Variants in TRANK1 observed in about 807,000 individuals in gnomAD.
TRANK1 encodes TPR and ankyrin repeat-containing protein 1.
TRANK1 carries 198 observed loss-of-function variants against 266.0 expected under a neutral mutation model. That is an observed-to-expected ratio of 0.74 (90% confidence interval 0.66 to 0.84). The LOEUF (loss-of-function observed/expected upper bound fraction) is 0.84, where lower values mean the gene tolerates loss of function less well. Ranked by LOEUF, TRANK1 falls within the 40% of genes least tolerant of loss-of-function variation. TRANK1 has a pLI of 0.00. For synonymous variants in TRANK1, 1,396 were observed against 1,384.1 expected (o/e 1.01, Z -0.19); for missense variants, 3,326 against 3,634.6 (o/e 0.92, Z 2.18).
At chr3:36,853,765 A>T (rs1157769308) in intron 13 of TRANK1, among the ~76,000 whole-genome samples, 1 of 152,262 alleles carries the variant, frequency 6.6e-6, no homozygotes, top group Non-Finnish European at 1.5e-5. Context: ...ACCAGACACA[A>T]AAGGCCATGT....
At chr3:36,923,623 G>T (rs1477784723) in intron 1 of TRANK1, among the ~76,000 whole-genome samples, 1 of 152,248 alleles carries the variant, frequency 6.6e-6, no homozygotes, top group South Asian at 2.1e-4. Flanking sequence ...TTGGTGGCCT[G>T]TAGGGGGAAC....
At chr3:36,861,375 C>T (rs891077296) in intron 10 of TRANK1, among the ~76,000 whole-genome samples, 2 of 152,132 alleles carry the variant, frequency 1.3e-5, no homozygotes, top group Admixed American at 1.3e-4. Context: ...AGTACAGACC[C>T]TGGCCCAGGA....
At chr3:36,877,028 C>G (rs969053708) in intron 8 of TRANK1, among the ~76,000 whole-genome samples, 2 of 152,176 alleles carry the variant, frequency 1.3e-5, no homozygotes. Context: ...CTGAAGATTT[C>G]TAAGGCCCAA....
At position 36,831,323 on chromosome 3, in the gene TRANK1, G is replaced by A; in HGVS notation, c.8260C>T (p.Pro2754Ser). The A allele has an allele frequency of 6.2e-7, 1 of 1,613,542 alleles. No individual in the cohort carries two copies. The highest frequency in any genetic ancestry group is 2.2e-5 in the East Asian group (1 of 44,868). The change falls in exon 22 of 24, where the codon CCC becomes TCC. Residue 2754 changes from proline (P) to serine (S), a missense_variant. By Grantham distance (74) the Pro-to-Ser change is moderately conservative. Transcript: ENST00000645898. The surrounding 1 kb of genome is among the most constrained non-coding windows in gnomAD (Gnocchi z 5.0). ...MERVREEAREPRAGNFKKADV... is the reference protein window; with the variant it reads ...MERVREEARESRAGNFKKADV... ...GCCTTTTTGAAGTTCCCAGCCCTGGGCTCCCTGGCCTCCTCCCTGACACGC... is the reference window on the plus strand; with the variant it reads ...GCCTTTTTGAAGTTCCCAGCCCTGGACTCCCTGGCCTCCTCCCTGACACGC...
Position 36,858,859 on chromosome 3 carries a change from G to T in TRANK1, c.1531C>A (p.Pro511Thr). ...TCATGTTTCAGGCACGTGACAACTG[G>T]CCTCTCCTGGCTCTCCTGAAGACCA... ...PDGLQESQER[P>T]VVTCLKHEDF... Residue 511 changes from proline to threonine, a missense_variant, in exon 12 of 24, where the codon CCA becomes ACA. Pro to Thr is a conservative substitution (Grantham distance 38). Transcript: ENST00000645898. 6.5e-7 allele frequency: 1 copy of T among 1,537,078 alleles called. No homozygotes were observed. The highest frequency in any genetic ancestry group is 8.7e-7 in the Non-Finnish European group (1 of 1,146,792).
chr3:36,897,079 A>T (rs544605482), intron 4 of TRANK1, among the ~76,000 whole-genome samples: 2 of 152,316 alleles, frequency 1.3e-5, no homozygotes, highest in East Asian at 3.9e-4. Flanking sequence ...AGGCAGGTGG[A>T]TCACCTGAGG....
At chr3:36,888,689 G>A (rs1314036908) in intron 8 of TRANK1, among the ~76,000 whole-genome samples, 9 of 152,166 alleles carry the variant, frequency 5.9e-5, no homozygotes, top group Non-Finnish European at 4.4e-5. Flanking sequence ...AGGCCTTCAG[G>A]CTGGTTCTAG....
chr3:36,832,188 C>T lies in TRANK1; in HGVS notation c.7395G>A (p.Val2465=). 1 of 1,613,992 alleles carries T rather than the reference C, an allele frequency of 6.2e-7. No individual in the cohort carries two copies. Among genetic ancestry groups the T allele is most frequent in the South Asian group, 1.1e-5 (1 of 91,074 alleles). The stretch of plus-strand genomic sequence containing the variant: ...CATTCTTCCAGAGGCGGGCCAGCAC[C>T]ACCCCACAGTGGATGAACTGGAACT... The part of the protein sequence containing the change: ...LLEFQFIHCG[V]VLARLWKNVI... Residue 2465 remains valine, a synonymous_variant, in exon 22 of 24, where the codon GTG becomes GTA. Transcript: ENST00000645898.
At chr3:36,941,293 GAC>G (rs1161905831) in intron 1 of TRANK1, among the ~76,000 whole-genome samples, 1 of 152,142 alleles carries the variant, frequency 6.6e-6, no homozygotes, top group East Asian at 1.9e-4. Flanking sequence ...GAACTTCAAA[GAC>G]AGATATAGCT....
intron 21 of TRANK1, chr3:36,834,502 T>C (rs1047462399): frequency 2.6e-6 from 1 of 382,988 alleles, no homozygotes; most frequent in Non-Finnish European, 4.6e-6. Flanking sequence ...TACGTCATTA[T>C]ATACACACTC....
At chr3:36,874,711 G>A (rs1200447721) in intron 8 of TRANK1, among the ~76,000 whole-genome samples, 1 of 152,118 alleles carries the variant, frequency 6.6e-6, no homozygotes, top group Non-Finnish European at 1.5e-5. Context: ...CATGAAAGCG[G>A]TGATTGCTTT....
intron 9 of TRANK1, among the ~76,000 whole-genome samples, chr3:36,873,159 G>C (rs77370184): frequency 0.024 from 3,607 of 152,286 alleles, 68 homozygotes; most frequent in Non-Finnish European, 0.037. Flanking sequence ...TGGGAGGCAG[G>C]GGGGAGTGTA....
intron 1 of TRANK1, among the ~76,000 whole-genome samples, chr3:36,928,214 G>A (rs111899745): frequency 0.024 from 3,688 of 152,232 alleles, 63 homozygotes; most frequent in Non-Finnish European, 0.037. Context: ...TAAAACCGCC[G>A]TTGACCTTGC....
intron 8 of TRANK1, among the ~76,000 whole-genome samples, chr3:36,883,500 GC>G (rs2079560297): frequency 6.7e-6 from 1 of 148,404 alleles, no homozygotes; most frequent in South Asian, 2.1e-4. Flanking sequence ...AAGAAAACGT[GC>G]CAAAGAGTAT....
intron 1 of TRANK1, among the ~76,000 whole-genome samples, chr3:36,909,162 T>C (rs145500359): frequency 6.6e-6 from 1 of 152,344 alleles, no homozygotes; most frequent in Non-Finnish European, 1.5e-5. Flanking sequence ...TGCCTACTTG[T>C]CTGTGTCCCC....
chr3:36,899,836 G>A (rs771238806), intron 3 of TRANK1, among the ~76,000 whole-genome samples: 3 of 152,146 alleles, frequency 2.0e-5, no homozygotes, highest in Admixed American at 6.5e-5. Flanking sequence ...TTTCAATTAC[G>A]TCTCTGGTTG....
At chr3:36,887,763 G>A (rs951062274) in intron 8 of TRANK1, among the ~76,000 whole-genome samples, 1 of 152,214 alleles carries the variant, frequency 6.6e-6, no homozygotes, top group East Asian at 1.9e-4. Context: ...ACAATTCTGA[G>A]CTTCTGTCTT....
intron 18 of TRANK1, among the ~76,000 whole-genome samples, chr3:36,842,305 C>G (rs2078855036): frequency 6.6e-6 from 1 of 152,194 alleles, no homozygotes; most frequent in Non-Finnish European, 1.5e-5. Flanking sequence ...GATAGCAAAG[C>G]TTTTAGGCAT....
rs375282214 is a variant in TRANK1, at chr3:36,833,432, A to C, written c.6151T>G (p.Phe2051Val). The change falls in exon 22 of 24, where the codon TTC becomes GTC. Residue 2051 changes from phenylalanine (F) to valine (V), a missense_variant. Physicochemically the swap from Phe to Val is conservative, Grantham distance 50 (BLOSUM62 -1). Coordinates refer to ENST00000645898, the MANE Select transcript of TRANK1 (RefSeq NM_001329998.2). Reference protein sequence around the residue: ...RDFQKLRDAFFKFDTLNHSAG... With the variant: ...RDFQKLRDAFVKFDTLNHSAG... ...GAGTGGTTGAGCGTGTCAAACTTGAAGAAGGCATCCCTGAGCTTCTGAAAG... is the reference window on the plus strand; with the variant it reads ...GAGTGGTTGAGCGTGTCAAACTTGACGAAGGCATCCCTGAGCTTCTGAAAG... 12 of 1,613,776 alleles carry C rather than the reference A, an allele frequency of 7.4e-6. No individual in the cohort carries two copies. The South Asian group carries it at 7.7e-5, about 10-fold the overall frequency.
Sources: gnomAD v4.1 joint callset for allele counts (sites outside exome capture counted in the v4.1 genomes callset) on GRCh38, gnomAD v4.1.1 for gene constraint, Gnocchi (gnomAD v3.1) non-coding constraint, MANE v1.5 for transcripts, NCBI Gene and HGNC (gene_info 2026-07-23, HGNC 2026-07-21) for gene names.